BCAS3: variants seen among roughly 807,000 people sequenced by gnomAD.
The protein encoded by BCAS3 is BCAS4/BCAS3 fusion.
Under a neutral mutation model 116.1 loss-of-function variants are expected in BCAS3, and 53 were observed. The observed-to-expected ratio is 0.46, with a 90% CI of 0.37 to 0.57. The LOEUF (loss-of-function observed/expected upper bound fraction) is 0.57. BCAS3 is among the 20% of genes least tolerant of loss of function. BCAS3 has a pLI of 0.00. For missense variants in BCAS3, 917 were observed against 1,165.4 expected (o/e 0.79, Z 3.10); for synonymous variants, 391 against 408.2 (o/e 0.96, Z 0.51).
chr17:61,137,025 T>C (rs2076679119), intron 22 of BCAS3, among the ~76,000 whole-genome samples: 1 of 152,216 alleles, frequency 6.6e-6, no homozygotes, highest in Non-Finnish European at 1.5e-5. Context: ...AAAAAAAGTA[T>C]TGGTTTACTA....
rs146024566 is a variant in BCAS3, at chr17:61,226,403, A to T, written c.2425+141839A>T. Among the ~76,000 whole-genome samples the T allele has an allele frequency of 2.6e-5, 4 of 152,316 alleles. No homozygotes were observed. Among genetic ancestry groups the T allele is most frequent in the African/African-American group, 9.6e-5 (4 of 41,574 alleles). ...TTCTTTTTTGTATAGTTGAAGAAAG[A>T]ATTAAGACATTTCAAACTTTTGTAT... On this transcript the variant is annotated intron_variant, in intron 22 of 23. Coordinates refer to ENST00000407086, the MANE Select transcript of BCAS3 (RefSeq NM_017679.5). This position sits in a 1 kb window ranked among gnomAD's most constrained non-coding sequence, Gnocchi z 6.0.
At chr17:60,796,785 C>T (rs1296577414) in intron 6 of BCAS3, among the ~76,000 whole-genome samples, 1 of 151,992 alleles carries the variant, frequency 6.6e-6, no homozygotes, top group East Asian at 1.9e-4. Context: ...TTCTCTAGTT[C>T]CTTGAGGTGT....
At chr17:60,777,644 A>C (rs1175381935) in intron 6 of BCAS3, among the ~76,000 whole-genome samples, 1 of 152,110 alleles carries the variant, frequency 6.6e-6, no homozygotes, top group Non-Finnish European at 1.5e-5. Context: ...AAAGGAAAAA[A>C]AGAAACTTAA....
intron 22 of BCAS3, among the ~76,000 whole-genome samples, chr17:61,305,883 A>C (rs2053813404): frequency 1.3e-5 from 2 of 152,166 alleles, no homozygotes; most frequent in African/African-American, 4.8e-5. Context: ...GCAACAGAGC[A>C]AGACTCCATC....
intron 14 of BCAS3, among the ~76,000 whole-genome samples, chr17:60,971,353 C>T (rs1171971306): frequency 6.6e-6 from 1 of 152,202 alleles, no homozygotes; most frequent in African/African-American, 2.4e-5. Context: ...GTATCTTTGA[C>T]TCTGCATTCC....
Position 61,128,097 on chromosome 17 carries a change from G to T in BCAS3, c.2425+43533G>T, listed in dbSNP as rs1033609090. The T allele has an allele frequency of 1.2e-5, 9 of 736,114 alleles. No individual in the cohort carries two copies. In the African/African-American group the frequency reaches 1.7e-4, roughly 14 times the overall value. 45.6% of individuals were successfully genotyped at this position (736,114 alleles called of 1,614,324 possible). A position where few individuals can be genotyped will look rare whatever the true frequency, so the allele number is the denominator to read the frequency against. On this transcript the variant is annotated intron_variant, in intron 22 of 23. Coordinates refer to ENST00000407086, the MANE Select transcript of BCAS3 (RefSeq NM_017679.5). The surrounding 1 kb of genome is among the most constrained non-coding windows in gnomAD (Gnocchi z 4.1). ...GTTTGAATGTAATTACCCAAAGTTTGGCTTTTCTTTTAAAGAACCCATTCA... is the reference window on the plus strand; with the variant it reads ...GTTTGAATGTAATTACCCAAAGTTTTGCTTTTCTTTTAAAGAACCCATTCA...
chr17:60,957,834 A>G (rs557394275), intron 14 of BCAS3, among the ~76,000 whole-genome samples: 1 of 152,230 alleles, frequency 6.6e-6, no homozygotes. Flanking sequence ...CAGAAATACT[A>G]TATGTAAAAT....
In BCAS3 at chr17:60,853,770, A is replaced by C. The variant is rs182679226; in HGVS notation, c.477-14806A>C. Among the ~76,000 whole-genome samples the C allele has an allele frequency of 2.2e-3, 339 of 152,338 alleles. 1 individual carries two copies. Among genetic ancestry groups the C allele is most frequent in the African/African-American group, 7.9e-3 (327 of 41,580 alleles). On this transcript the variant is annotated intron_variant, in intron 7 of 23. Transcript: ENST00000407086. ...AATTTTAAACATACTGTTTTCTTAT[A>C]AAATGTTTTTTATTAAGTATATGTC...
intron 14 of BCAS3, among the ~76,000 whole-genome samples, chr17:60,955,611 C>A (rs1275943506): frequency 6.6e-6 from 1 of 151,916 alleles, no homozygotes; most frequent in Non-Finnish European, 1.5e-5. Context: ...GTCTGGATAT[C>A]CTGACCTTGT....
In BCAS3 at chr17:61,032,561, A is replaced by C. The variant is rs2066723072; in HGVS notation, c.1638-2105A>C. On this transcript the variant is annotated intron_variant, in intron 16 of 23. Transcript: ENST00000407086. This position sits in a 1 kb window ranked among gnomAD's most constrained non-coding sequence, Gnocchi z 4.6. ...GCCTTATATTCTCAGGTAATGCAAC[A>C]GAGAGCATCATAACCAGAAAGAACA... Among the ~76,000 whole-genome samples, 1 of 152,180 alleles carries C rather than the reference A, an allele frequency of 6.6e-6. No homozygotes were observed. Among genetic ancestry groups the C allele is most frequent in the South Asian group, 2.1e-4 (1 of 4,832 alleles).
chr17:60,921,962 A>G (rs1349837875), intron 12 of BCAS3, among the ~76,000 whole-genome samples: 1 of 152,188 alleles, frequency 6.6e-6, no homozygotes, highest in Non-Finnish European at 1.5e-5. Context: ...TTGTTAACAC[A>G]TAATACAGAT....
intron 22 of BCAS3, among the ~76,000 whole-genome samples, chr17:61,232,982 A>G (rs962388459): frequency 6.6e-6 from 1 of 152,220 alleles, no homozygotes; most frequent in Non-Finnish European, 1.5e-5. Context: ...ATATTTCCAG[A>G]TGGAACCATG....
intron 22 of BCAS3, among the ~76,000 whole-genome samples, chr17:61,303,003 G>A (rs983415168): frequency 6.6e-6 from 1 of 152,170 alleles, no homozygotes; most frequent in African/African-American, 2.4e-5. Context: ...CTCAACTTGT[G>A]ATGAGTTCCC....
chr17:61,354,888 C>G lies in BCAS3; in HGVS notation c.2426-13439C>G, dbSNP rs1465943612. 6.6e-6 allele frequency: 1 copy of G among 152,238 alleles called. No homozygotes were observed. Among genetic ancestry groups the G allele is most frequent in the Non-Finnish European group, 1.5e-5 (1 of 68,056 alleles). The allele number at this position is 152,238 out of a possible 1,614,324, so 9.4% of individuals were successfully genotyped here. On this transcript the variant is annotated intron_variant, in intron 22 of 23. Transcript: ENST00000407086. This position sits in a 1 kb window ranked among gnomAD's most constrained non-coding sequence, Gnocchi z 4.5. Reference sequence around the variant, plus strand: ...TCAAACGGGTCAACTCCAGTACCGGCAGGCACATCCGGGACCCTCCCCTTC... The same window carrying G: ...TCAAACGGGTCAACTCCAGTACCGGGAGGCACATCCGGGACCCTCCCCTTC...
intron 5 of BCAS3, among the ~76,000 whole-genome samples, chr17:60,738,262 C>G (rs1037052835): frequency 1.3e-5 from 2 of 152,188 alleles, no homozygotes; most frequent in Non-Finnish European, 2.9e-5. Flanking sequence ...TCCTTTTGTG[C>G]TTTTCTGGCT....
In BCAS3 at chr17:61,339,680, C is replaced by T. The variant is rs988815537; in HGVS notation, c.2426-28647C>T. Among the ~76,000 whole-genome samples, 1 of 151,712 alleles carries T rather than the reference C, an allele frequency of 6.6e-6. No homozygotes were observed. Among genetic ancestry groups the T allele is most frequent in the African/African-American group, 2.4e-5 (1 of 41,282 alleles). On this transcript the variant is annotated intron_variant, in intron 22 of 23. Transcript: ENST00000407086. The surrounding 1 kb of genome is among the most constrained non-coding windows in gnomAD (Gnocchi z 4.4). ...ACTCGGGAGGCTGAGGCAGGAGAATCGCTCGAACCTAGGAGGTGGCGGTTA... is the reference window on the plus strand; with the variant it reads ...ACTCGGGAGGCTGAGGCAGGAGAATTGCTCGAACCTAGGAGGTGGCGGTTA...
intron 16 of BCAS3, among the ~76,000 whole-genome samples, chr17:61,022,319 G>A (rs1354039086): frequency 2.6e-5 from 4 of 151,968 alleles, no homozygotes; most frequent in South Asian, 2.1e-4. Flanking sequence ...GCGTGATCTT[G>A]GCTCACTGCA....
rs911116322 is a variant in BCAS3, at chr17:61,224,668, A to T, written c.2425+140104A>T. Among the ~76,000 whole-genome samples the T allele has an allele frequency of 2.6e-5, 4 of 152,242 alleles. No individual in the cohort carries two copies. The highest frequency in any genetic ancestry group is 9.6e-5 in the African/African-American group (4 of 41,452). ...TTCTTACTTCTGCAACCTCGGGCACATTCCTCATCATCTCTCTACTTCAGT... is the reference window on the plus strand; with the variant it reads ...TTCTTACTTCTGCAACCTCGGGCACTTTCCTCATCATCTCTCTACTTCAGT... On this transcript the variant is annotated intron_variant, in intron 22 of 23. Transcript: ENST00000407086. The surrounding 1 kb of genome is among the most constrained non-coding windows in gnomAD (Gnocchi z 5.7).
chr17:61,045,847 C>A (rs867877364), intron 19 of BCAS3, among the ~76,000 whole-genome samples: 256 of 2,984 alleles, frequency 0.086, 6 homozygotes, highest in South Asian at 0.2. Context: ...CTCTCTCTCT[C>A]TCTATATATA....
Sources: gnomAD v4.1 joint callset for allele counts (sites outside exome capture counted in the v4.1 genomes callset) on GRCh38, gnomAD v4.1.1 for gene constraint, Gnocchi (gnomAD v3.1) non-coding constraint, MANE v1.5 for transcripts, NCBI Gene and HGNC (gene_info 2026-07-23, HGNC 2026-07-21) for gene names.